Variants in MYOM2 observed in about 807,000 individuals in gnomAD.
The protein encoded by MYOM2 is myomesin 2.
MYOM2 carries 254 observed loss-of-function variants against 187.6 expected under a neutral mutation model. That is an observed-to-expected ratio of 1.35 (90% CI 1.22 to 1.50). The LOEUF is 1.50. Among genes scored for constraint, MYOM2 ranks in the 40% most tolerant of loss-of-function variants. The pLI is 0.00. For synonymous variants in MYOM2, 981 were observed against 753.8 expected (o/e 1.30, Z -4.94); for missense variants, 2,796 against 1,924.0 (o/e 1.45, Z -8.48).
At position 2,102,861 on chromosome 8, in the gene MYOM2, G is replaced by T. The variant is rs1796756047; in HGVS notation, c.2734+80G>T. On this transcript the variant is annotated intron_variant, in intron 21 of 36. Coordinates refer to ENST00000262113, the MANE Select transcript of MYOM2 (RefSeq NM_003970.4). ...ATGTATTATGGATGTATGGATGAGG[G>T]TGTGTGGATAAATGAGTGGGAGAGT... 3.4e-6 allele frequency: 4 copies of T among 1,167,292 alleles called. No individual in the cohort carries two copies. In the South Asian group the frequency reaches 4.0e-5, roughly 12 times the overall value. The allele number at this position is 1,167,292 out of a possible 1,614,324, so 72.3% of individuals were successfully genotyped here.
chr8:2,138,584 G>A (rs1230685207), intron 32 of MYOM2, among the ~76,000 whole-genome samples: 1 of 152,214 alleles, frequency 6.6e-6, no homozygotes, highest in Admixed American at 6.5e-5. Context: ...TTCTAACACA[G>A]TTTTTAAAAG....
Position 2,114,020 on chromosome 8 carries a change from G to A in MYOM2, c.3181-1940G>A, listed in dbSNP as rs1014517421. Among the ~76,000 whole-genome samples, 4 of 152,132 alleles carry A rather than the reference G, an allele frequency of 2.6e-5. No homozygotes were observed. The South Asian group carries it at 6.2e-4, about 24-fold the overall frequency. ...GTGCTCCCAAGGGCAGGGTGCTATT[G>A]GGGGAAGGGAGGCAGAGCTGTGGAA... On this transcript the variant is annotated intron_variant, in intron 25 of 36. Transcript: ENST00000262113.
rs370051770 is a variant in MYOM2 at position 2,085,400 on chromosome 8, G to T, written c.1644+10G>T. Reference sequence around the variant, plus strand: ...GTACTTCATTGAGAAGGTAAACTCCGGGCCCGTGTCCTGGAAAAGTAGATC... The same window carrying T: ...GTACTTCATTGAGAAGGTAAACTCCTGGCCCGTGTCCTGGAAAAGTAGATC... On this transcript the variant is annotated intron_variant, in intron 14 of 36. Coordinates refer to ENST00000262113, the MANE Select transcript of MYOM2 (RefSeq NM_003970.4). The T allele has an allele frequency of 1.3e-6, 2 of 1,599,728 alleles. No homozygotes were observed. The highest frequency in any genetic ancestry group is 2.8e-5 in the African/African-American group (2 of 71,390).
intron 6 of MYOM2, 58 bp downstream of exon 6, chr8:2,059,303 C>T: frequency 2.0e-6 from 3 of 1,512,598 alleles, no homozygotes; most frequent in Non-Finnish European, 2.7e-6. Flanking sequence ...TTGCAGACCC[C>T]AAAGAAGAAG....
At chr8:2,080,328 C>T (rs1436295474) in intron 13 of MYOM2, among the ~76,000 whole-genome samples, 1 of 152,228 alleles carries the variant, frequency 6.6e-6, no homozygotes, top group African/African-American at 2.4e-5. Context: ...GAGCTGCAGA[C>T]TCAAAAGCGT....
At chr8:2,087,204 C>T (rs1023192171) in intron 14 of MYOM2, among the ~76,000 whole-genome samples, 42 of 152,108 alleles carry the variant, frequency 2.8e-4, no homozygotes, top group Non-Finnish European at 2.4e-4. Flanking sequence ...TTTTGCGATA[C>T]AAAATTTATA....
intron 3 of MYOM2, among the ~76,000 whole-genome samples, chr8:2,055,350 G>T (rs1336014215): frequency 6.6e-6 from 1 of 152,194 alleles, no homozygotes; most frequent in Admixed American, 6.5e-5. Flanking sequence ...GGCCCTAGGG[G>T]AGAGGCTCTG....
At chr8:2,050,202 AC>A (rs1396570423) in intron 1 of MYOM2, among the ~76,000 whole-genome samples, 1 of 151,542 alleles carries the variant, frequency 6.6e-6, no homozygotes, top group African/African-American at 2.4e-5. Context: ...CTCCTGCCCG[AC>A]CTTTGCTTAT....
At chr8:2,103,283 G>GTGTA (rs200451762) in intron 21 of MYOM2, among the ~76,000 whole-genome samples, 5 of 150,634 alleles carry the variant, frequency 3.3e-5, no homozygotes, top group African/African-American at 4.9e-5. Flanking sequence ...ATGTGTATAT[G>GTGTA]TGTATGTATG....
In MYOM2 at chr8:2,124,269, T is replaced by C. The variant is rs758848869; in HGVS notation, c.3694+52T>C. On this transcript the variant is annotated intron_variant, in intron 31 of 36. Coordinates refer to ENST00000262113, the MANE Select transcript of MYOM2 (RefSeq NM_003970.4). Reference sequence around the variant, plus strand: ...GTCATTTGGGGTGCTGAAATCACTATTTCCTGACACGGGAAGTCACTGCTG... The same window carrying C: ...GTCATTTGGGGTGCTGAAATCACTACTTCCTGACACGGGAAGTCACTGCTG... The C allele has an allele frequency of 2.6e-6, 4 of 1,542,392 alleles. No individual in the cohort carries two copies. The Admixed American group carries it at 7.0e-5, about 27-fold the overall frequency.
In MYOM2 at chr8:2,144,702, C is replaced by A. The variant is rs767074175; in HGVS notation, c.4119C>A (p.Asp1373Glu). 3.7e-5 allele frequency: 60 copies of A among 1,613,982 alleles called. No homozygotes were observed. In the South Asian group the frequency reaches 5.4e-4, roughly 14 times the overall value. ...NLTCTVFGNP[D>E]PEVIWFKNDQ... ...CCTGCACGGTGTTTGGAAACCCTGA[C>A]CCCGAAGTGATTTGGTTCAAGAACG... is the stretch of plus-strand genomic sequence containing the variant. The change falls in exon 37 of 37, where the codon GAC becomes GAA. Residue 1373 changes from aspartate to glutamate, a missense_variant. Coordinates refer to ENST00000262113, the MANE Select transcript of MYOM2 (RefSeq NM_003970.4).
rs1798262404 is a variant in MYOM2, at chr8:2,141,181, A to C, written c.4001+4A>C. 1.9e-6 allele frequency: 3 copies of C among 1,612,018 alleles called. No homozygotes were observed. ...TTGCAGAATTCCAGCAATTCAAGTA[A>C]GATTTGTGTATTTAGTTACTATGAT... On this transcript the variant is annotated splice_donor_region_variant and intron_variant, in intron 34 of 36. Coordinates refer to ENST00000262113, the MANE Select transcript of MYOM2 (RefSeq NM_003970.4).
At chr8:2,057,300 G>T in intron 3 of MYOM2, 48 bp from the exon 4 acceptor site, 1 of 1,567,582 alleles carries the variant, frequency 6.4e-7, no homozygotes, top group Non-Finnish European at 8.6e-7. Context: ...GGGCCACGTG[G>T]TTTTCTTCGT....
intron 27 of MYOM2, among the ~76,000 whole-genome samples, chr8:2,116,576 G>C (rs951370112): frequency 2.0e-5 from 3 of 152,198 alleles, no homozygotes; most frequent in African/African-American, 7.2e-5. Flanking sequence ...AGAGAAGGCA[G>C]TAGAGGCTAT....
chr8:2,139,338 G>T (rs897254099), intron 32 of MYOM2, among the ~76,000 whole-genome samples: 4 of 151,820 alleles, frequency 2.6e-5, no homozygotes, highest in Admixed American at 1.3e-4. Context: ...ACAGGGTCTT[G>T]CTTTGTTTTC....
intron 13 of MYOM2, among the ~76,000 whole-genome samples, chr8:2,080,332 A>G (rs796966169): frequency 3.4e-4 from 52 of 152,338 alleles, no homozygotes; most frequent in African/African-American, 1.2e-3. Context: ...TGCAGACTCA[A>G]AAGCGTTTTC....
intron 6 of MYOM2, among the ~76,000 whole-genome samples, chr8:2,059,618 C>T (rs1818785249): frequency 6.6e-6 from 1 of 151,890 alleles, no homozygotes; most frequent in South Asian, 2.1e-4. Flanking sequence ...TCTTTTATAA[C>T]AAATCAAAAA....
intron 17 of MYOM2, among the ~76,000 whole-genome samples, chr8:2,095,403 T>C (rs1467564561): frequency 2.0e-5 from 3 of 151,888 alleles, no homozygotes; most frequent in Non-Finnish European, 2.9e-5. Flanking sequence ...GTGATCCTCA[T>C]GCCTCAGCCT....
rs371188995 is a variant in MYOM2 at position 2,116,023 on chromosome 8, A to G, written c.3244A>G (p.Ile1082Val). The G allele has an allele frequency of 5.6e-6, 9 of 1,614,014 alleles. No homozygotes were observed. The highest frequency in any genetic ancestry group is 4.0e-5 in the African/African-American group (3 of 74,922). The change falls in exon 26 of 37, where the codon ATT becomes GTT. Residue 1082 changes from isoleucine to valine, a missense_variant. Ile to Val is a conservative substitution (Grantham distance 29). Transcript: ENST00000262113. ...TGAGATGGTGATGGATCGATTTAGT[A>G]TTGAAAATGAGGGGACCTACACTGT... ...IIEMVMDRFS[I>V]ENEGTYTVQI...
Sources: gnomAD v4.1 joint callset for allele counts (sites outside exome capture counted in the v4.1 genomes callset) on GRCh38, gnomAD v4.1.1 for gene constraint, MANE v1.5 for transcripts, NCBI Gene and HGNC (gene_info 2026-07-23, HGNC 2026-07-21) for gene names.